Variants in NKAIN1 observed in about 807,000 individuals in gnomAD.
The protein encoded by NKAIN1 is sodium/potassium transporting ATPase interacting 1, also known as sodium/potassium-transporting ATPase subunit beta-1-interacting protein 1.
A neutral mutation model predicts 31.6 loss-of-function variants in NKAIN1; 13 were observed. The observed-to-expected ratio is 0.41, with a 90% CI of 0.27 to 0.65. The LOEUF (loss-of-function observed/expected upper bound fraction) is 0.65. NKAIN1 is among the 30% of genes least tolerant of loss of function. NKAIN1 has a pLI of 0.30. For missense variants in NKAIN1, 193 were observed against 262.2 expected (o/e 0.74, Z 1.82); for synonymous variants, 104 against 109.0 (o/e 0.95, Z 0.28).
At chr1:31,191,639 T>C (rs1645286979) in intron 1 of NKAIN1, among the ~76,000 whole-genome samples, 1 of 152,150 alleles carries the variant, frequency 6.6e-6, no homozygotes, top group Non-Finnish European at 1.5e-5. Flanking sequence ...ATAGAAGGCT[T>C]AACAGTCTAA....
At chr1:31,236,257 C>T (rs930005230) in intron 1 of NKAIN1, among the ~76,000 whole-genome samples, 1 of 152,146 alleles carries the variant, frequency 6.6e-6, no homozygotes, top group Non-Finnish European at 1.5e-5. Context: ...AGGCACAGTC[C>T]CTACCTGCTT....
rs1645645052 is a variant in NKAIN1, at chr1:31,231,160, A to G, written c.54+8334T>C. 3.3e-5 allele frequency among the ~76,000 whole-genome samples: 5 copies of G among 152,084 alleles called. No homozygotes were observed. The South Asian group carries it at 1.0e-3, about 32-fold the overall frequency. ...CGGCCTCCCAGAGTGCTGGGATTAC[A>G]GGTGTAAGCCACTGCACCATCCAGT... On this transcript the variant is annotated intron_variant, in intron 1 of 6. Coordinates refer to ENST00000373736, the MANE Select transcript of NKAIN1 (RefSeq NM_024522.3).
chr1:31,231,914 T>A (rs1288223751), intron 1 of NKAIN1, among the ~76,000 whole-genome samples: 9 of 151,384 alleles, frequency 5.9e-5, no homozygotes, highest in African/African-American at 2.2e-4. Flanking sequence ...GAACTAGCTT[T>A]TTTTTTTTTT....
At chr1:31,211,616 C>G (rs1333113405) in intron 1 of NKAIN1, among the ~76,000 whole-genome samples, 1 of 74,928 alleles carries the variant, frequency 1.3e-5, no homozygotes, top group Non-Finnish European at 3.7e-5. Flanking sequence ...TTTTTTTTTT[C>G]AGGAATGTAT....
intron 1 of NKAIN1, among the ~76,000 whole-genome samples, chr1:31,235,626 G>A (rs578045755): frequency 2.6e-5 from 4 of 152,164 alleles, no homozygotes; most frequent in South Asian, 2.1e-4. Context: ...ACAGTGAGAC[G>A]CCTATCTCTA....
At chr1:31,191,065 C>T (rs927741522) in intron 1 of NKAIN1, among the ~76,000 whole-genome samples, 2 of 152,160 alleles carry the variant, frequency 1.3e-5, no homozygotes, top group Non-Finnish European at 2.9e-5. Context: ...CCAAGGTCGG[C>T]GGACCACTTG....
rs978519080 is a variant in NKAIN1, at chr1:31,233,041, C to T, written c.54+6453G>A. 2.0e-5 allele frequency among the ~76,000 whole-genome samples: 3 copies of T among 152,132 alleles called. No homozygotes were observed. Among genetic ancestry groups the T allele is most frequent in the Non-Finnish European group, 2.9e-5 (2 of 68,036 alleles). The stretch of plus-strand genomic sequence containing the variant: ...TTGGCACACTGCAACCTCCGCCTCC[C>T]AGGTTCAAATGATTCTCTTGCCTCA... On this transcript the variant is annotated intron_variant, in intron 1 of 6. Transcript: ENST00000373736. This position sits in a 1 kb window ranked among gnomAD's most constrained non-coding sequence, Gnocchi z 4.0.
chr1:31,216,042 C>G (rs1645509377), intron 1 of NKAIN1, among the ~76,000 whole-genome samples: 1 of 151,828 alleles, frequency 6.6e-6, no homozygotes, highest in Admixed American at 6.6e-5. Flanking sequence ...GGTCCCAGAG[C>G]CTGAGCTCTT....
chr1:31,182,497 G>C, intron 5 of NKAIN1, 33 bp downstream of exon 5: 1 of 1,612,970 alleles, frequency 6.2e-7, no homozygotes, highest in East Asian at 2.2e-5. Context: ...CGCAGGGCCA[G>C]ATTCCCCACT....
At chr1:31,192,650 A>C (rs1276527205) in intron 1 of NKAIN1, among the ~76,000 whole-genome samples, 6 of 151,804 alleles carry the variant, frequency 4.0e-5, no homozygotes, top group Admixed American at 3.9e-4. Context: ...TCCGGGGTTC[A>C]CGCCATTCTC....
chr1:31,239,025 CAG>C lies in NKAIN1; in HGVS notation c.54+467_54+468del, dbSNP rs1645712528. Among the ~76,000 whole-genome samples, 1 of 152,146 alleles carries C rather than the reference CAG, an allele frequency of 6.6e-6. No homozygotes were observed. Among genetic ancestry groups the C allele is most frequent in the Non-Finnish European group, 1.5e-5 (1 of 68,032 alleles). On this transcript the variant is annotated intron_variant, in intron 1 of 6. Transcript: ENST00000373736. The surrounding 1 kb of genome is among the most constrained non-coding windows in gnomAD (Gnocchi z 4.8). ...AAACCCTGAGAGACACACGCCGGAG[CAG>C]AGACTTTGTGAGAAACGCTCACACA...
chr1:31,220,685 G>A (rs1038525252), intron 1 of NKAIN1, among the ~76,000 whole-genome samples: 2 of 150,964 alleles, frequency 1.3e-5, no homozygotes, highest in South Asian at 2.1e-4. Context: ...AACCTGGGAG[G>A]TGGAGGTTGC....
intron 2 of NKAIN1, 81 bp downstream of exon 2, chr1:31,187,969 T>C: frequency 6.9e-7 from 1 of 1,442,946 alleles, no homozygotes; most frequent in Non-Finnish European, 9.3e-7. Context: ...GGGGCAGTTC[T>C]GGTTTTGAGG....
chr1:31,194,364 C>T (rs918016913), intron 1 of NKAIN1, among the ~76,000 whole-genome samples: 2 of 151,318 alleles, frequency 1.3e-5, no homozygotes, highest in Admixed American at 6.6e-5. Context: ...CTTTTTCTTT[C>T]CCTTCCCTTC....
chr1:31,234,607 A>G (rs1248188710), intron 1 of NKAIN1, among the ~76,000 whole-genome samples: 1 of 152,228 alleles, frequency 6.6e-6, no homozygotes, highest in Non-Finnish European at 1.5e-5. Context: ...ACAAAGGAAG[A>G]AACTGTGGCC....
At chr1:31,184,677 A>T (rs1200289536) in intron 3 of NKAIN1, among the ~76,000 whole-genome samples, 1 of 152,170 alleles carries the variant, frequency 6.6e-6, no homozygotes, top group African/African-American at 2.4e-5. Flanking sequence ...GCAGGGTCAA[A>T]CTACAAAGCC....
intron 1 of NKAIN1, among the ~76,000 whole-genome samples, chr1:31,234,871 C>A (rs1645683257): frequency 6.6e-6 from 1 of 152,118 alleles, no homozygotes; most frequent in Admixed American, 6.6e-5. Context: ...AGAGTCCTCG[C>A]ATCTTGGTTC....
chr1:31,183,573 T>G (rs1325867323), intron 4 of NKAIN1, among the ~76,000 whole-genome samples: 1 of 150,708 alleles, frequency 6.6e-6, no homozygotes, highest in Non-Finnish European at 1.5e-5. Flanking sequence ...CTCAGCCTCC[T>G]GAGTAGCTGG....
At chr1:31,238,099 T>TG (rs1471791388) in intron 1 of NKAIN1, among the ~76,000 whole-genome samples, 1 of 151,982 alleles carries the variant, frequency 6.6e-6, no homozygotes. Flanking sequence ...GGCCGGCCAG[T>TG]GGGGGGAAGT....
Sources: allele counts gnomAD v4.1 joint callset (sites outside exome capture counted in the v4.1 genomes callset), GRCh38; gene constraint gnomAD v4.1.1; non-coding constraint Gnocchi (gnomAD v3.1); transcripts MANE v1.5; gene names NCBI Gene and HGNC (gene_info 2026-07-23, HGNC 2026-07-21).